DTNB: variants seen among roughly 807,000 people sequenced by gnomAD.
DTNB encodes the protein DTN-B.
Under a neutral mutation model 90.7 loss-of-function variants are expected in DTNB, and 63 were observed. That is an observed-to-expected ratio of 0.69 (90% CI 0.57 to 0.86). The LOEUF (loss-of-function observed/expected upper bound fraction) is 0.86, where lower values mean the gene tolerates loss of function less well. Ranked by LOEUF, DTNB falls within the 40% of genes least tolerant of loss-of-function variation. The pLI, the probability that DTNB is intolerant of heterozygous loss-of-function variation, is 0.00. For synonymous variants in DTNB, 277 were observed against 286.7 expected (o/e 0.97, Z 0.34); for missense variants, 744 against 807.1 (o/e 0.92, Z 0.95).
intron 10 of DTNB, among the ~76,000 whole-genome samples, chr2:25,466,497 G>C (rs1057438965): frequency 6.6e-6 from 1 of 152,246 alleles, no homozygotes. Context: ...GGAGTTGACA[G>C]CAGCAAAGGG....
At chr2:25,535,042 C>T (rs941913812) in intron 8 of DTNB, among the ~76,000 whole-genome samples, 5 of 144,198 alleles carry the variant, frequency 3.5e-5, no homozygotes, top group East Asian at 2.2e-4. Flanking sequence ...GAAGAGCGGC[C>T]GGGCAGAGGC....
chr2:25,465,083 G>C (rs966137230), intron 10 of DTNB, among the ~76,000 whole-genome samples: 1 of 152,112 alleles, frequency 6.6e-6, no homozygotes, highest in African/African-American at 2.4e-5. Flanking sequence ...AGCAATATTA[G>C]AAGAAACAGG....
At position 25,433,982 on chromosome 2, in the gene DTNB, G is replaced by C; in HGVS notation, c.1271C>G (p.Thr424Ser). 6.2e-7 allele frequency: 1 copy of C among 1,613,322 alleles called. No individual in the cohort carries two copies. Among genetic ancestry groups the C allele is most frequent in the Non-Finnish European group, 8.5e-7 (1 of 1,179,766 alleles). Residue 424 changes from threonine to serine, a missense_variant, in exon 13 of 21, where the codon ACT becomes AGT. Coordinates refer to ENST00000406818, the MANE Select transcript of DTNB (RefSeq NM_021907.5). ...AEAGNVTRPP[T>S]DLSFNFDANK... is the part of the protein sequence containing the mutation. Reference sequence around the variant, plus strand: ...GGCATCAAAGTTAAAGCTCAAGTCAGTGGGAGGACGAGTCTAAAGTGGGGA... The same window carrying C: ...GGCATCAAAGTTAAAGCTCAAGTCACTGGGAGGACGAGTCTAAAGTGGGGA...
intron 18 of DTNB, among the ~76,000 whole-genome samples, chr2:25,385,801 G>T (rs1409688747): frequency 6.6e-6 from 1 of 152,174 alleles, no homozygotes; most frequent in Non-Finnish European, 1.5e-5. Context: ...ACATTTTTGT[G>T]AAGCTATTTG....
At chr2:25,613,332 T>C (rs1186829645) in intron 4 of DTNB, among the ~76,000 whole-genome samples, 1 of 152,158 alleles carries the variant, frequency 6.6e-6, no homozygotes, top group East Asian at 1.9e-4. Flanking sequence ...GGGGTATGAA[T>C]AATCCTATCA....
chr2:25,458,294 A>T (rs1285236898), intron 10 of DTNB, among the ~76,000 whole-genome samples: 1 of 152,180 alleles, frequency 6.6e-6, no homozygotes, highest in East Asian at 1.9e-4. Flanking sequence ...TTCACATTGA[A>T]AATCAGTCAG....
intron 16 of DTNB, among the ~76,000 whole-genome samples, chr2:25,390,823 T>C (rs1448653930): frequency 6.6e-6 from 1 of 151,618 alleles, no homozygotes; most frequent in Admixed American, 6.6e-5. Flanking sequence ...AACTTAAACA[T>C]AGGAGCTGAA....
At chr2:25,669,701 C>T (rs947552022) in intron 1 of DTNB, among the ~76,000 whole-genome samples, 1 of 152,158 alleles carries the variant, frequency 6.6e-6, no homozygotes, top group Non-Finnish European at 1.5e-5. Context: ...AAGTCCACAA[C>T]CGGGCCAGGT....
chr2:25,566,285 G>A (rs887544415), intron 8 of DTNB, among the ~76,000 whole-genome samples: 2 of 152,134 alleles, frequency 1.3e-5, no homozygotes, highest in Non-Finnish European at 2.9e-5. Context: ...AGCACCACAG[G>A]TGCAACTAAA....
chr2:25,558,391 G>A (rs750018389), intron 8 of DTNB: 19 of 985,288 alleles, frequency 1.9e-5, no homozygotes, highest in Non-Finnish European at 2.3e-5. Context: ...ACTCTCCAGT[G>A]CAGCTCTGGT....
chr2:25,526,379 A>G (rs1283346461), intron 9 of DTNB, among the ~76,000 whole-genome samples: 1 of 51,492 alleles, frequency 1.9e-5, no homozygotes. Flanking sequence ...ATATATATAT[A>G]TATATATATA....
chr2:25,383,213 CTT>C (rs34341817), intron 19 of DTNB, among the ~76,000 whole-genome samples: 250 of 107,980 alleles, frequency 2.3e-3, no homozygotes, highest in East Asian at 7.3e-3. Context: ...CATTTTTGGT[CTT>C]TTTTTTTTTT....
chr2:25,445,060 T>C (rs1194230118), intron 12 of DTNB, among the ~76,000 whole-genome samples: 3 of 152,250 alleles, frequency 2.0e-5, no homozygotes, highest in Non-Finnish European at 4.4e-5. Flanking sequence ...TTATCTTGTT[T>C]GCAGTAAGGG....
Position 25,543,983 on chromosome 2 carries a change from A to T in DTNB, c.877-12386T>A, listed in dbSNP as rs574821671. Among the ~76,000 whole-genome samples the T allele has an allele frequency of 9.9e-5, 15 of 152,266 alleles. No individual in the cohort carries two copies. In the East Asian group the frequency reaches 2.7e-3, roughly 27 times the overall value. On this transcript the variant is annotated intron_variant, in intron 8 of 20. Coordinates refer to ENST00000406818, the MANE Select transcript of DTNB (RefSeq NM_021907.5). Reference sequence around the variant, plus strand: ...TAAGGCTCATATAACCAGGTCTGTCACTCTTTTTGTGGTACAAACAGCCCC... The same window carrying T: ...TAAGGCTCATATAACCAGGTCTGTCTCTCTTTTTGTGGTACAAACAGCCCC...
chr2:25,537,189 T>C (rs1466155458), intron 8 of DTNB, among the ~76,000 whole-genome samples: 1 of 152,146 alleles, frequency 6.6e-6, no homozygotes, highest in Non-Finnish European at 1.5e-5. Context: ...AGTAAAACCA[T>C]ATAAATCTTT....
intron 5 of DTNB, among the ~76,000 whole-genome samples, chr2:25,604,882 G>A (rs893831854): frequency 6.0e-5 from 9 of 149,476 alleles, no homozygotes; most frequent in African/African-American, 9.9e-5. Context: ...CACTGCACCC[G>A]GCCTTAAAAT....
At chr2:25,516,065 A>C (rs2075059770) in intron 9 of DTNB, among the ~76,000 whole-genome samples, 1 of 152,248 alleles carries the variant, frequency 6.6e-6, no homozygotes, top group Non-Finnish European at 1.5e-5. Flanking sequence ...TATGTACATG[A>C]TAAGGTACTC....
At position 25,377,527 on chromosome 2, in the gene DTNB, C is replaced by G. The variant is rs927338840; in HGVS notation, c.*56G>C. On this transcript the variant is annotated 3_prime_UTR_variant, in exon 21 of 21. Transcript: ENST00000406818. ...GAAGACCTTGCCTTCGCCATGTCGGCGCCAGCTTGCTCCTCGTCCTCTGTG... is the reference window on the plus strand; with the variant it reads ...GAAGACCTTGCCTTCGCCATGTCGGGGCCAGCTTGCTCCTCGTCCTCTGTG... The G allele has an allele frequency of 3.9e-5, 6 of 152,578 alleles. No individual in the cohort carries two copies. The allele number at this position is 152,578 out of a possible 1,614,324, so 9.5% of individuals were successfully genotyped here.
At chr2:25,485,371 GA>G (rs1000892708) in intron 9 of DTNB, among the ~76,000 whole-genome samples, 7 of 151,866 alleles carry the variant, frequency 4.6e-5, no homozygotes, top group Non-Finnish European at 1.0e-4. Context: ...ATTCTCAGAG[GA>G]AAAATGAGAA....
Sources: gnomAD v4.1 joint callset for allele counts (sites outside exome capture counted in the v4.1 genomes callset) on GRCh38, gnomAD v4.1.1 for gene constraint, MANE v1.5 for transcripts, NCBI Gene and HGNC (gene_info 2026-07-23, HGNC 2026-07-21) for gene names.